Variants in A1CF observed in about 807,000 individuals in gnomAD.
A1CF encodes APOBEC1 complementation factor.
A neutral mutation model predicts 68.9 loss-of-function variants in A1CF; 48 were observed. The observed-to-expected ratio is 0.70, with a 90% confidence interval of 0.55 to 0.89. The LOEUF (loss-of-function observed/expected upper bound fraction) is 0.89. A1CF is among the 40% of genes least tolerant of loss of function. The pLI, the probability that A1CF is intolerant of heterozygous loss-of-function variation, is 0.00. For missense variants in A1CF, 653 were observed against 718.9 expected (o/e 0.91, Z 1.05); for synonymous variants, 272 against 260.4 (o/e 1.04, Z -0.43).
chr10:50,865,209 C>T (rs907312254), intron 1 of A1CF, among the ~76,000 whole-genome samples: 5 of 151,930 alleles, frequency 3.3e-5, no homozygotes, highest in East Asian at 1.9e-4. Flanking sequence ...CAGTGAGCTG[C>T]GATTAGGCCA....
chr10:50,821,474 T>C (rs1005952755), intron 7 of A1CF, among the ~76,000 whole-genome samples: 2 of 152,136 alleles, frequency 1.3e-5, no homozygotes, highest in Admixed American at 1.3e-4. Context: ...GCTGCATTTA[T>C]ACCAACACGA....
intron 1 of A1CF, among the ~76,000 whole-genome samples, chr10:50,884,643 C>T (rs889360055): frequency 2.6e-5 from 4 of 152,298 alleles, no homozygotes; most frequent in African/African-American, 9.6e-5. Context: ...GCACAATGTG[C>T]AAATAATGCT....
At chr10:50,812,767 A>G (rs1022581653) in intron 10 of A1CF, among the ~76,000 whole-genome samples, 15 of 152,142 alleles carry the variant, frequency 9.9e-5, no homozygotes, top group African/African-American at 3.6e-4. Flanking sequence ...GGATTTTGTT[A>G]TATTCACTTC....
intron 8 of A1CF, among the ~76,000 whole-genome samples, chr10:50,819,950 C>T (rs1838568056): frequency 6.6e-6 from 1 of 152,290 alleles, no homozygotes; most frequent in Admixed American, 6.5e-5. Context: ...CAACTTTTAA[C>T]TCTTTGTCAA....
At chr10:50,849,586 C>T (rs1840141199) in intron 3 of A1CF, among the ~76,000 whole-genome samples, 1 of 151,992 alleles carries the variant, frequency 6.6e-6, no homozygotes, top group Non-Finnish European at 1.5e-5. Flanking sequence ...ATCATATAGC[C>T]TAGTGTTTCT....
Position 50,802,534 on chromosome 10 carries a change from A to C in A1CF, c.*4195T>G, listed in dbSNP as rs975129700. 1 of 152,216 alleles carries C rather than the reference A, an allele frequency of 6.6e-6. No individual in the cohort carries two copies. The highest frequency in any genetic ancestry group is 6.5e-5 in the Admixed American group (1 of 15,286). The allele number at this position is 152,216 out of a possible 1,614,324, so 9.4% of individuals were successfully genotyped here. A position where few individuals can be genotyped will look rare whatever the true frequency, so the allele number is the denominator to read the frequency against. Reference sequence around the variant, plus strand: ...TGAAAGTGTATCTACAATACATAAAAAGTGCCAAGTTTCTAGTCTAATTTT... The same window carrying C: ...TGAAAGTGTATCTACAATACATAAACAGTGCCAAGTTTCTAGTCTAATTTT... On this transcript the variant is annotated 3_prime_UTR_variant, in exon 13 of 13. Transcript: ENST00000373997.
intron 1 of A1CF, among the ~76,000 whole-genome samples, chr10:50,883,908 C>T (rs1841890285): frequency 6.6e-6 from 1 of 152,112 alleles, no homozygotes; most frequent in Non-Finnish European, 1.5e-5. Flanking sequence ...CTCCATTTTC[C>T]CATTTATAAA....
chr10:50,876,887 G>A (rs575665756), intron 1 of A1CF, among the ~76,000 whole-genome samples: 144 of 152,038 alleles, frequency 9.5e-4, no homozygotes, highest in Non-Finnish European at 1.6e-3. Flanking sequence ...TAAATGTATT[G>A]CCTATATATA....
intron 3 of A1CF, among the ~76,000 whole-genome samples, chr10:50,848,405 G>A (rs146483151): frequency 1.3e-5 from 2 of 152,270 alleles, no homozygotes; most frequent in African/African-American, 4.8e-5. Context: ...CTCAAAAATT[G>A]TGATGATTAT....
At chr10:50,870,304 A>T (rs1841195117) in intron 1 of A1CF, among the ~76,000 whole-genome samples, 1 of 151,956 alleles carries the variant, frequency 6.6e-6, no homozygotes, top group Admixed American at 6.6e-5. Context: ...AATGGACAAA[A>T]AGAAATTGGA....
intron 7 of A1CF, chr10:50,823,089 T>TTCTGAAATTCTGTTTGCAGATA (rs1471406099): frequency 6.6e-6 from 1 of 152,204 alleles, no homozygotes; most frequent in African/African-American, 2.4e-5. Context: ...AATTTAGATT[T>TTCTGAAATTCTGTTTGCAGATA]TCTGAAATTC....
chr10:50,870,432 G>A (rs1439779451), intron 1 of A1CF, among the ~76,000 whole-genome samples: 1 of 151,664 alleles, frequency 6.6e-6, no homozygotes, highest in Non-Finnish European at 1.5e-5. Context: ...AAGGTAAAAA[G>A]GAGAAAATAA....
Position 50,869,330 on chromosome 10 carries a change from T to C in A1CF, c.-93-5250A>G, listed in dbSNP as rs534962533. ...TATAGAAGGTGCTGTAGAAATATTC[T>C]ATTCTTATTCTTTATTTGCTGCTTT... On this transcript the variant is annotated intron_variant, in intron 1 of 12. Coordinates refer to ENST00000373997, the MANE Select transcript of A1CF (RefSeq NM_014576.4). 2.6e-5 allele frequency among the ~76,000 whole-genome samples: 4 copies of C among 152,280 alleles called. No homozygotes were observed. The East Asian group carries it at 7.7e-4, about 29-fold the overall frequency.
intron 7 of A1CF, 132 bp from the exon 8 acceptor site, chr10:50,820,781 C>G (rs1358500201): frequency 1.7e-6 from 1 of 576,500 alleles, no homozygotes; most frequent in Non-Finnish European, 2.9e-6. Flanking sequence ...AGGATCTCAT[C>G]AAGAACATTC....
chr10:50,849,057 C>T (rs1242415895), intron 3 of A1CF, among the ~76,000 whole-genome samples: 1 of 151,984 alleles, frequency 6.6e-6, no homozygotes, highest in Non-Finnish European at 1.5e-5. Context: ...TTGTATTCCA[C>T]CTATATACTA....
At chr10:50,822,419 A>C (rs1231019260) in intron 7 of A1CF, among the ~76,000 whole-genome samples, 1 of 152,192 alleles carries the variant, frequency 6.6e-6, no homozygotes. Context: ...AAGAGGGGGA[A>C]GTCCTTTCTG....
Position 50,831,985 on chromosome 10 carries a change from C to T in A1CF, c.605-3690G>A, listed in dbSNP as rs545802863. Among the ~76,000 whole-genome samples the T allele has an allele frequency of 8.5e-5, 13 of 152,070 alleles. No homozygotes were observed. The South Asian group carries it at 2.5e-3, about 29-fold the overall frequency. On this transcript the variant is annotated intron_variant, in intron 6 of 12. Coordinates refer to ENST00000373997, the MANE Select transcript of A1CF (RefSeq NM_014576.4). ...TGATGGGAATGTAAGTTGGTAGAGC[C>T]ATTATGGAAAACAGTATGCAGGTTC...
intron 3 of A1CF, among the ~76,000 whole-genome samples, chr10:50,854,402 A>G (rs566332125): frequency 6.6e-6 from 1 of 152,190 alleles, no homozygotes; most frequent in East Asian, 1.9e-4. Context: ...AAATATAAGA[A>G]TGATCATAAT....
rs1352387673 is a variant in A1CF, at chr10:50,859,884, G to A, written c.57C>T (p.Ala19=). The change falls in exon 3 of 13, where the codon GCC becomes GCT. Residue 19 remains alanine (A), a synonymous_variant. Coordinates refer to ENST00000373997, the MANE Select transcript of A1CF (RefSeq NM_014576.4). The part of the protein sequence containing the change: ...DGLSGTQKEA[A]LRALVQRTGY... Reference sequence around the variant, plus strand: ...CTGTGCGCTGGACCAGTGCGCGGAGGGCTGCTTCCTTCTGAGTGCCGCTCA... The same window carrying A: ...CTGTGCGCTGGACCAGTGCGCGGAGAGCTGCTTCCTTCTGAGTGCCGCTCA... 6.2e-7 allele frequency: 1 copy of A among 1,613,998 alleles called. No homozygotes were observed. Among genetic ancestry groups the A allele is most frequent in the Non-Finnish European group, 8.5e-7 (1 of 1,179,956 alleles).
Sources: gnomAD v4.1 joint callset for allele counts (sites outside exome capture counted in the v4.1 genomes callset) on GRCh38, gnomAD v4.1.1 for gene constraint, MANE v1.5 for transcripts, NCBI Gene and HGNC (gene_info 2026-07-23, HGNC 2026-07-21) for gene names.